ROCK1: variants seen among roughly 807,000 people sequenced by gnomAD.
ROCK1 encodes rho-associated protein kinase 1.
In ROCK1, 36 loss-of-function variants were observed where a neutral mutation model predicts 196.8. That is an observed-to-expected ratio of 0.18 (90% CI 0.14 to 0.24). The LOEUF is 0.24. ROCK1 is among the 10% of genes least tolerant of loss of function. The pLI, the probability that ROCK1 is intolerant of heterozygous loss-of-function variation, is 1.00. For synonymous variants in ROCK1, 443 were observed against 515.9 expected, an observed-to-expected ratio of 0.86 and a Z score of 1.91; for missense variants, 920 against 1,562.0, an observed-to-expected ratio of 0.59 and a Z score of 6.93.
intron 9 of ROCK1, among the ~76,000 whole-genome samples, chr18:21,036,645 G>A (rs1349908381): frequency 2.0e-5 from 3 of 151,748 alleles, no homozygotes; most frequent in Non-Finnish European, 4.4e-5. Flanking sequence ...ATAGGGTCTC[G>A]CAACATTACC....
intron 12 of ROCK1, 69 bp downstream of exon 12, chr18:21,020,082 G>T: frequency 1.2e-6 from 1 of 862,444 alleles, no homozygotes; most frequent in Non-Finnish European, 1.8e-6. Flanking sequence ...TGTTTACAGG[G>T]TATAAGCTTT....
At chr18:21,022,872 G>A (rs572597893) in intron 11 of ROCK1, among the ~76,000 whole-genome samples, 25 of 152,088 alleles carry the variant, frequency 1.6e-4, no homozygotes, top group Non-Finnish European at 2.4e-4. Context: ...GTGTGTGTGT[G>A]TATATATATG....
chr18:21,084,092 G>A (rs1472182150), intron 1 of ROCK1, among the ~76,000 whole-genome samples: 1 of 152,082 alleles, frequency 6.6e-6, no homozygotes, highest in Non-Finnish European at 1.5e-5. Context: ...AATCAAGTGG[G>A]AGCCCCTACA....
In ROCK1 at chr18:20,949,756, T is replaced by C. The variant is rs1279886953; in HGVS notation, c.*1628A>G. 2 of 152,610 alleles carry C rather than the reference T, an allele frequency of 1.3e-5. No homozygotes were observed. Among genetic ancestry groups the C allele is most frequent in the Non-Finnish European group, 2.9e-5 (2 of 68,036 alleles). 9.5% of individuals were successfully genotyped at this position (152,610 alleles called of 1,614,324 possible). On this transcript the variant is annotated 3_prime_UTR_variant, in exon 33 of 33. Coordinates refer to ENST00000399799, the MANE Select transcript of ROCK1 (RefSeq NM_005406.3). ...AAGACCACGTTTTATCTTTTAAAAA[T>C]ACACTTTAATCTAACCATGGAATTT...
At chr18:21,055,488 T>G (rs1348555127) in intron 2 of ROCK1, among the ~76,000 whole-genome samples, 1 of 152,190 alleles carries the variant, frequency 6.6e-6, no homozygotes, top group African/African-American at 2.4e-5. Flanking sequence ...CTTACACACT[T>G]AACTATCAGC....
intron 1 of ROCK1, among the ~76,000 whole-genome samples, chr18:21,088,442 G>A (rs1366631684): frequency 8.5e-5 from 13 of 152,216 alleles, no homozygotes; most frequent in Admixed American, 7.9e-4. Flanking sequence ...CAAGGCTAGA[G>A]TGAGCTATGA....
At chr18:20,968,467 C>T (rs147758918) in intron 25 of ROCK1, 64 of 241,592 alleles carry the variant, frequency 2.6e-4, no homozygotes, top group Middle Eastern at 1.4e-3. Flanking sequence ...CCACCACGCC[C>T]GGCTAATTTT....
At chr18:21,085,144 A>G (rs1667517348) in intron 1 of ROCK1, among the ~76,000 whole-genome samples, 1 of 152,094 alleles carries the variant, frequency 6.6e-6, no homozygotes, top group South Asian at 2.1e-4. Flanking sequence ...TTTGTTTGAG[A>G]CAGATGATAT....
intron 9 of ROCK1, among the ~76,000 whole-genome samples, chr18:21,032,506 GTT>G (rs368055407): frequency 4.6e-5 from 6 of 129,212 alleles, no homozygotes; most frequent in Non-Finnish European, 5.0e-5. Context: ...AAATAGGAAA[GTT>G]TTTTTTTTTT....
At chr18:21,033,891 G>A (rs952821921) in intron 9 of ROCK1, among the ~76,000 whole-genome samples, 2 of 95,524 alleles carry the variant, frequency 2.1e-5, no homozygotes, top group Non-Finnish European at 3.9e-5. Flanking sequence ...AAAATTAGCC[G>A]GGTGTGCTGG....
In ROCK1 at chr18:21,067,181, G is replaced by A. The variant is rs143844105; in HGVS notation, c.175+3351C>T. On this transcript the variant is annotated intron_variant, in intron 2 of 32. Transcript: ENST00000399799. ...CAACTTCCTAATGACTAACCACCAT[G>A]AACAGTTCTGCACATGTTTACTGGC... Among the ~76,000 whole-genome samples the A allele has an allele frequency of 8.6e-3, 1,306 of 152,144 alleles. 21 individuals carry two copies. The highest frequency in any genetic ancestry group is 0.03 in the African/African-American group (1,236 of 41,508).
Position 21,041,015 on chromosome 18 carries a change from G to GGA in ROCK1, c.959+1080_959+1081dup, listed in dbSNP as rs2036100776. ...AGGAACCTGTAGTCACAGCTACTTG[G>GGA]GAGGCTGAGGCAGGAGAATCACTTG... On this transcript the variant is annotated intron_variant, in intron 8 of 32. Transcript: ENST00000399799. Among the ~76,000 whole-genome samples the GGA allele has an allele frequency of 2.6e-5, 4 of 151,988 alleles. No homozygotes were observed. In the South Asian group the frequency reaches 6.2e-4, roughly 24 times the overall value.
chr18:21,110,411 A>G (rs1220264359), intron 1 of ROCK1, among the ~76,000 whole-genome samples: 1 of 152,204 alleles, frequency 6.6e-6, no homozygotes, highest in Non-Finnish European at 1.5e-5. Flanking sequence ...AATCGCAAAA[A>G]GGAAAAAAAA....
At chr18:21,020,533 C>G (rs1437541022) in intron 11 of ROCK1, among the ~76,000 whole-genome samples, 1 of 151,892 alleles carries the variant, frequency 6.6e-6, no homozygotes, top group Non-Finnish European at 1.5e-5. Flanking sequence ...CTACAATGTC[C>G]CAAAGACATA....
chr18:20,948,318 T>C lies in ROCK1; in HGVS notation c.*3066A>G, dbSNP rs1010854981. On this transcript the variant is annotated 3_prime_UTR_variant, in exon 33 of 33. Coordinates refer to ENST00000399799, the MANE Select transcript of ROCK1 (RefSeq NM_005406.3). Reference sequence around the variant, plus strand: ...CGATGCAGGAAAGAAGTATTTTCAATGAATACTGCAGTATCAACTGAATAT... The same window carrying C: ...CGATGCAGGAAAGAAGTATTTTCAACGAATACTGCAGTATCAACTGAATAT... 2 of 152,098 alleles carry C rather than the reference T, an allele frequency of 1.3e-5. No homozygotes were observed. The highest frequency in any genetic ancestry group is 2.9e-5 in the Non-Finnish European group (2 of 68,038). The allele number at this position is 152,098 out of a possible 1,614,324, so 9.4% of individuals were successfully genotyped here. A position where few individuals can be genotyped will look rare whatever the true frequency, so the allele number is the denominator to read the frequency against.
intron 14 of ROCK1, among the ~76,000 whole-genome samples, chr18:21,007,172 T>A (rs2035775649): frequency 6.6e-6 from 1 of 152,144 alleles, no homozygotes; most frequent in Non-Finnish European, 1.5e-5. Flanking sequence ...GTAGATAGTA[T>A]AGAATAAGTC....
chr18:21,016,473 G>A (rs1257892530), intron 12 of ROCK1, among the ~76,000 whole-genome samples: 1 of 152,136 alleles, frequency 6.6e-6, no homozygotes, highest in African/African-American at 2.4e-5. Context: ...AATCAGTAAA[G>A]GCACCATTTG....
intron 16 of ROCK1, 99 bp from the exon 17 acceptor site, chr18:20,993,036 T>C: frequency 4.6e-6 from 3 of 653,044 alleles, no homozygotes; most frequent in Non-Finnish European, 7.8e-6. Flanking sequence ...TTTTAATGTA[T>C]TAAGTTTCCT....
chr18:20,958,821 C>G (rs2035272718), intron 29 of ROCK1, among the ~76,000 whole-genome samples: 1 of 138,684 alleles, frequency 7.2e-6, no homozygotes, highest in African/African-American at 2.6e-5. Flanking sequence ...AGTTGTTATA[C>G]TGTATTTTTT....
Sources: gnomAD v4.1 joint callset for allele counts (sites outside exome capture counted in the v4.1 genomes callset) on GRCh38, gnomAD v4.1.1 for gene constraint, MANE v1.5 for transcripts, NCBI Gene and HGNC (gene_info 2026-07-23, HGNC 2026-07-21) for gene names.